The following SYT9 variants were observed in gnomAD, a reference collection of about 807,000 sequenced individuals.
The protein encoded by SYT9 is synaptotagmin 9.
SYT9 carries 22 observed loss-of-function variants against 48.4 expected under a neutral mutation model. That is an observed-to-expected ratio of 0.45 (90% CI 0.32 to 0.65). SYT9 has a LOEUF of 0.65. Ranked by LOEUF, SYT9 falls within the 30% of genes least tolerant of loss-of-function variation. The probability of loss-of-function intolerance (pLI) is 0.03; values close to 1 mark genes in which losing one functional copy is unlikely to be tolerated. For missense variants in SYT9, 577 were observed against 622.0 expected (o/e 0.93, Z 0.77); for synonymous variants, 265 against 245.0 (o/e 1.08, Z -0.76).
At chr11:7,275,099 C>G (rs1275194065) in intron 1 of SYT9, among the ~76,000 whole-genome samples, 1 of 152,012 alleles carries the variant, frequency 6.6e-6, no homozygotes, top group African/African-American at 2.4e-5. Flanking sequence ...ACAGAGCCAG[C>G]TAGCAGAGTG....
chr11:7,379,314 T>A (rs1339616120), intron 3 of SYT9, among the ~76,000 whole-genome samples: 66 of 152,266 alleles, frequency 4.3e-4, no homozygotes, highest in Non-Finnish European at 1.5e-5. Context: ...TACCCCAAAT[T>A]CCTGTGTCAG....
chr11:7,306,835 G>T (rs1849041705), intron 2 of SYT9, among the ~76,000 whole-genome samples: 1 of 152,090 alleles, frequency 6.6e-6, no homozygotes, highest in Non-Finnish European at 1.5e-5. Context: ...TTTATTGCTT[G>T]TACTCCCCTC....
intron 3 of SYT9, among the ~76,000 whole-genome samples, chr11:7,327,839 G>A (rs1849457000): frequency 1.5e-5 from 1 of 65,008 alleles, no homozygotes; most frequent in South Asian, 7.8e-4. Flanking sequence ...ACCAAACACC[G>A]CATATTCTCA....
At position 7,252,330 on chromosome 11, in the gene SYT9, A is replaced by G; in HGVS notation, c.144A>G (p.Pro48=). The change falls in exon 1 of 7, where the codon CCA becomes CCG. Residue 48 remains proline, a splice_region_variant and synonymous_variant. Coordinates refer to ENST00000318881, the MANE Select transcript of SYT9 (RefSeq NM_175733.4). The surrounding 1 kb of genome is among the most constrained non-coding windows in gnomAD (Gnocchi z 6.3). ...GTGCCAGACCCCGGCTCCGCGACCC[A>G]GGTGAGTGCCGCCACCGCCGCCTGG... ...RDRARPRLRD[P]DISVSLLTLV... The G allele has an allele frequency of 6.8e-7, 1 of 1,473,586 alleles. No homozygotes were observed. Among genetic ancestry groups the G allele is most frequent in the Non-Finnish European group, 9.0e-7 (1 of 1,112,124 alleles). The allele number at this position is 1,473,586 out of a possible 1,614,324, so 91.3% of individuals were successfully genotyped here.
At chr11:7,331,623 C>G (rs1222188809) in intron 3 of SYT9, among the ~76,000 whole-genome samples, 1 of 152,072 alleles carries the variant, frequency 6.6e-6, no homozygotes, top group Non-Finnish European at 1.5e-5. Context: ...ACTTGGAGGG[C>G]TGAGGTGGGA....
intron 1 of SYT9, among the ~76,000 whole-genome samples, chr11:7,259,681 A>AT (rs957466965): frequency 5.9e-5 from 9 of 152,000 alleles, no homozygotes; most frequent in East Asian, 1.9e-4. Flanking sequence ...TCTTAAGTGA[A>AT]TTTTTTGTGT....
chr11:7,451,142 C>G (rs1848039378), intron 6 of SYT9, among the ~76,000 whole-genome samples: 2 of 152,172 alleles, frequency 1.3e-5, no homozygotes. Flanking sequence ...GATGTTTCCT[C>G]CCCACCTAAT....
intron 1 of SYT9, among the ~76,000 whole-genome samples, chr11:7,301,783 A>C (rs1848924529): frequency 6.6e-6 from 1 of 152,210 alleles, no homozygotes; most frequent in Non-Finnish European, 1.5e-5. Flanking sequence ...GTAATGAAGC[A>C]CTGTAATGAC....
At chr11:7,324,294 C>T (rs960527722) in intron 3 of SYT9, among the ~76,000 whole-genome samples, 1 of 151,420 alleles carries the variant, frequency 6.6e-6, no homozygotes, top group African/African-American at 2.4e-5. Flanking sequence ...ATTATTTATC[C>T]CTGTTCACTT....
intron 6 of SYT9, chr11:7,439,352 G>A (rs1040180271): frequency 6.6e-6 from 1 of 152,260 alleles, no homozygotes; most frequent in African/African-American, 2.4e-5. Flanking sequence ...AGGAGGCTGA[G>A]GAAAGTGTCA....
rs187644622 is a variant in SYT9, at chr11:7,451,364, T to C, written c.1468-15428T>C. Among the ~76,000 whole-genome samples, 100 of 152,348 alleles carry C rather than the reference T, an allele frequency of 6.6e-4. No homozygotes were observed. The South Asian group carries it at 7.2e-3, about 11-fold the overall frequency. ...AATGTTGCATTCTGTTAAGACTAAATGTTGTATTTGCAAAGATTTTACTCC... is the reference window on the plus strand; with the variant it reads ...AATGTTGCATTCTGTTAAGACTAAACGTTGTATTTGCAAAGATTTTACTCC... On this transcript the variant is annotated intron_variant, in intron 6 of 6. Coordinates refer to ENST00000318881, the MANE Select transcript of SYT9 (RefSeq NM_175733.4).
chr11:7,296,331 A>G (rs976545068), intron 1 of SYT9, among the ~76,000 whole-genome samples: 2 of 152,240 alleles, frequency 1.3e-5, no homozygotes, highest in Non-Finnish European at 2.9e-5. Context: ...TTAAATAACA[A>G]TGTTTTGGCA....
At chr11:7,408,634 T>C (rs1847071796) in intron 3 of SYT9, among the ~76,000 whole-genome samples, 1 of 152,216 alleles carries the variant, frequency 6.6e-6, no homozygotes, top group African/African-American at 2.4e-5. Flanking sequence ...TCTTGGCTAG[T>C]TCATTATCAG....
At chr11:7,326,449 C>T (rs559867071) in intron 3 of SYT9, among the ~76,000 whole-genome samples, 5,270 of 130,508 alleles carry the variant, frequency 0.04, 144 homozygotes, top group African/African-American at 0.083. Context: ...TCTGTGGGAT[C>T]GGTGGTGATA....
chr11:7,348,175 C>T (rs1849837682), intron 3 of SYT9, among the ~76,000 whole-genome samples: 1 of 152,194 alleles, frequency 6.6e-6, no homozygotes, highest in Non-Finnish European at 1.5e-5. Flanking sequence ...AGAAAAACTA[C>T]AGGACCTCCC....
At chr11:7,266,755 C>G (rs1427064587) in intron 1 of SYT9, among the ~76,000 whole-genome samples, 2 of 151,966 alleles carry the variant, frequency 1.3e-5, no homozygotes, top group Non-Finnish European at 2.9e-5. Context: ...AATGTGATGT[C>G]TTAGGGTTTG....
intron 1 of SYT9, among the ~76,000 whole-genome samples, chr11:7,256,220 T>C (rs990990901): frequency 6.6e-6 from 1 of 152,226 alleles, no homozygotes; most frequent in East Asian, 1.9e-4. Flanking sequence ...GTGCCAACCA[T>C]GTCTGTGCCA....
intron 3 of SYT9, among the ~76,000 whole-genome samples, chr11:7,386,366 C>T (rs1850657276): frequency 6.6e-6 from 1 of 151,412 alleles, no homozygotes; most frequent in African/African-American, 2.4e-5. Flanking sequence ...AGTCAACCTA[C>T]AGAATGGGAG....
chr11:7,454,615 A>G (rs1848114581), intron 6 of SYT9, among the ~76,000 whole-genome samples: 1 of 152,236 alleles, frequency 6.6e-6, no homozygotes, highest in Non-Finnish European at 1.5e-5. Flanking sequence ...GTCTCTGCCA[A>G]TAGGAAACTG....
Sources: allele counts gnomAD v4.1 joint callset (sites outside exome capture counted in the v4.1 genomes callset), GRCh38; gene constraint gnomAD v4.1.1; non-coding constraint Gnocchi (gnomAD v3.1); transcripts MANE v1.5; gene names NCBI Gene and HGNC (gene_info 2026-07-23, HGNC 2026-07-21).